Variants in GATA4 observed in about 807,000 individuals in gnomAD.
The protein encoded by GATA4 is transcription factor GATA-4.
In GATA4, 7 loss-of-function variants were observed where a neutral mutation model predicts 37.9. The observed-to-expected ratio is 0.18, with a 90% CI of 0.11 to 0.35. The LOEUF is 0.35. GATA4 is among the 10% of genes least tolerant of loss of function. The probability of loss-of-function intolerance (pLI) is 1.00; values close to 1 mark genes in which losing one functional copy is unlikely to be tolerated. For synonymous variants in GATA4, 372 were observed against 292.6 expected (o/e 1.27, Z -2.77); for missense variants, 647 against 653.0 (o/e 0.99, Z 0.10).
chr8:11,705,065 AG>A (rs977009297), intron 1 of GATA4, among the ~76,000 whole-genome samples: 1 of 152,042 alleles, frequency 6.6e-6, no homozygotes, highest in African/African-American at 2.4e-5. Context: ...CCGTGGGCAG[AG>A]GGGGGTGCCG....
intron 5 of GATA4, 99 bp downstream of exon 5, chr8:11,755,232 C>T (rs1359937622): frequency 2.1e-6 from 2 of 956,208 alleles, no homozygotes; most frequent in Non-Finnish European, 3.3e-6. Flanking sequence ...GCCCGGGCCG[C>T]CAGGGGGTGG....
intron 1 of GATA4, chr8:11,683,180 A>G: frequency 6.4e-6 from 6 of 936,684 alleles, no homozygotes; most frequent in Non-Finnish European, 7.6e-6. Context: ...TAATCTGGAC[A>G]GCAGCAGGAA....
chr8:11,723,625 T>A (rs769024306), intron 2 of GATA4, among the ~76,000 whole-genome samples: 154 of 152,244 alleles, frequency 1.0e-3, no homozygotes, highest in Non-Finnish European at 2.6e-4. Flanking sequence ...ATCTCAGAGC[T>A]AGCTCTGCCA....
intron 2 of GATA4, 102 bp from the exon 3 acceptor site, chr8:11,748,814 A>G (rs1802151617): frequency 2.2e-6 from 3 of 1,344,790 alleles, no homozygotes; most frequent in Admixed American, 1.7e-5. Flanking sequence ...TTCCAAGGAA[A>G]GGGCATTGTT....
At chr8:11,704,557 C>G (rs11987373) in intron 1 of GATA4, among the ~76,000 whole-genome samples, 6 of 152,252 alleles carry the variant, frequency 3.9e-5, no homozygotes, top group Admixed American at 6.5e-5. Flanking sequence ...TCCGTGTGAA[C>G]TTGAACGCTT....
intron 2 of GATA4, among the ~76,000 whole-genome samples, chr8:11,734,871 C>T (rs1335336088): frequency 1.3e-5 from 2 of 152,180 alleles, no homozygotes; most frequent in African/African-American, 4.8e-5. Context: ...TGCCCAACCT[C>T]CAAATACCAT....
At chr8:11,710,264 G>C (rs1303414010) in intron 2 of GATA4, among the ~76,000 whole-genome samples, 1 of 152,128 alleles carries the variant, frequency 6.6e-6, no homozygotes, top group Non-Finnish European at 1.5e-5. Context: ...CACCCCTCTT[G>C]GGGGAGCCAG....
At chr8:11,693,702 C>G (rs1799413912) in intron 1 of GATA4, among the ~76,000 whole-genome samples, 1 of 152,010 alleles carries the variant, frequency 6.6e-6, no homozygotes, top group Non-Finnish European at 1.5e-5. Context: ...GTGATGGAAA[C>G]TATACTGGGG....
In GATA4 at chr8:11,708,178, T is replaced by TC. The variant is rs1799979227; in HGVS notation, c.-131dup. On this transcript the variant is annotated 5_prime_UTR_variant, in exon 2 of 7. Transcript: ENST00000532059. This position sits in a 1 kb window ranked among gnomAD's most constrained non-coding sequence, Gnocchi z 6.7. ...TATATTTTTAAGCGAGTTGGTTTTT[T>TC]CCCCTTTGATTTTTGATCTTCGCGA... The TC allele has an allele frequency of 9.9e-7, 1 of 1,010,718 alleles. No homozygotes were observed. 62.6% of individuals were successfully genotyped at this position (1,010,718 alleles called of 1,614,324 possible).
chr8:11,715,586 C>T (rs1390415441), intron 2 of GATA4, among the ~76,000 whole-genome samples: 1 of 151,972 alleles, frequency 6.6e-6, no homozygotes, highest in African/African-American at 2.4e-5. Context: ...ACTAAAAATA[C>T]AAAAATTAGC....
chr8:11,679,481 C>A (rs1053442559), intron 1 of GATA4, among the ~76,000 whole-genome samples: 1 of 151,954 alleles, frequency 6.6e-6, no homozygotes, highest in Non-Finnish European at 1.5e-5. Flanking sequence ...GGCCGAGGGC[C>A]GGGAGGAGAG....
chr8:11,738,766 G>T (rs1324957375), intron 2 of GATA4, among the ~76,000 whole-genome samples: 1 of 152,156 alleles, frequency 6.6e-6, no homozygotes, highest in Non-Finnish European at 1.5e-5. Context: ...TCCCATCAAT[G>T]CCCAGGGTGT....
At chr8:11,698,103 C>T (rs1799561847) in intron 1 of GATA4, 1 of 734,576 alleles carries the variant, frequency 1.4e-6, no homozygotes, top group Non-Finnish European at 1.7e-6. Flanking sequence ...CGTCCTCTCC[C>T]AGGAGGTCCT....
chr8:11,708,075 C>A lies in GATA4; in HGVS notation c.-238C>A. On this transcript the variant is annotated 5_prime_UTR_variant, in exon 2 of 7. Coordinates refer to ENST00000532059, the MANE Select transcript of GATA4 (RefSeq NM_001308093.3). The surrounding 1 kb of genome is among the most constrained non-coding windows in gnomAD (Gnocchi z 6.7). ...CTGCTCCTACATCAGCTTCCGGAAC[C>A]ACCAAAAATTCAAATTGGGATTTTC... 1.7e-6 allele frequency: 1 copy of A among 604,164 alleles called. No homozygotes were observed. 37.4% of individuals were successfully genotyped at this position (604,164 alleles called of 1,614,324 possible). A position where few individuals can be genotyped will look rare whatever the true frequency, so the allele number is the denominator to read the frequency against.
intron 1 of GATA4, chr8:11,697,422 C>A (rs1421099339): frequency 1.3e-5 from 5 of 389,070 alleles, no homozygotes; most frequent in Non-Finnish European, 1.8e-5. Flanking sequence ...ACTGTTGTTA[C>A]AAGAAACCGA....
At position 11,727,358 on chromosome 8, in the gene GATA4, G is replaced by T. The variant is rs118100072; in HGVS notation, c.616+18430G>T. ...ATGGACCCGCCTGCTGGGAAGGGGG[G>T]AGAGCTGGCCATATAAGCAGCTGTT... On this transcript the variant is annotated intron_variant, in intron 2 of 6. Coordinates refer to ENST00000532059, the MANE Select transcript of GATA4 (RefSeq NM_001308093.3). Among the ~76,000 whole-genome samples, 33 of 152,318 alleles carry T rather than the reference G, an allele frequency of 2.2e-4. No individual in the cohort carries two copies. The East Asian group carries it at 5.4e-3, about 25-fold the overall frequency.
chr8:11,703,038 T>G (rs777911099), upstream of GATA4, among the ~76,000 whole-genome samples: 9 of 152,300 alleles, frequency 5.9e-5, no homozygotes, highest in African/African-American at 9.6e-5. Flanking sequence ...CCACGATTGA[T>G]TTCCTACTAC....
chr8:11,684,970 AG>A (rs1235823200), intron 1 of GATA4, among the ~76,000 whole-genome samples: 1 of 152,218 alleles, frequency 6.6e-6, no homozygotes, highest in African/African-American at 2.4e-5. Context: ...AAACCCAAAA[AG>A]TGGTCATATT....
chr8:11,754,847 AG>A (rs1039859423), intron 4 of GATA4, among the ~76,000 whole-genome samples, 198 bp from the exon 5 acceptor site: 5 of 152,194 alleles, frequency 3.3e-5, no homozygotes, highest in Non-Finnish European at 5.9e-5. Flanking sequence ...CACATCACAC[AG>A]GTGCTCGATA....
Sources: allele counts gnomAD v4.1 joint callset (sites outside exome capture counted in the v4.1 genomes callset), GRCh38; gene constraint gnomAD v4.1.1; non-coding constraint Gnocchi (gnomAD v3.1); transcripts MANE v1.5; gene names NCBI Gene and HGNC (gene_info 2026-07-23, HGNC 2026-07-21).